The following GALNT9 variants were observed in gnomAD, a reference collection of about 807,000 sequenced individuals.
GALNT9 encodes the protein GalNAc transferase 9.
Under a neutral mutation model 63.1 loss-of-function variants are expected in GALNT9, and 47 were observed. That is an observed-to-expected ratio of 0.75 (90% CI 0.59 to 0.95). The LOEUF is 0.95. Among genes scored for constraint, GALNT9 ranks in the 40% least tolerant of loss-of-function variants. The pLI is 0.00. For missense variants in GALNT9, 829 were observed against 874.8 expected, an observed-to-expected ratio of 0.95 and a Z score of 0.66; for synonymous variants, 396 against 365.7, an observed-to-expected ratio of 1.08 and a Z score of -0.94.
At chr12:132,328,541 A>G (rs1566026762) in intron 1 of GALNT9, among the ~76,000 whole-genome samples, 1 of 151,996 alleles carries the variant, frequency 6.6e-6, no homozygotes, top group East Asian at 1.9e-4. Context: ...TGGCGTCCCC[A>G]CCCTCCTCTT....
chr12:132,230,039 A>G (rs1034442139), intron 6 of GALNT9, among the ~76,000 whole-genome samples: 8,312 of 152,264 alleles, frequency 0.055, 265 homozygotes, highest in Middle Eastern at 0.11. Context: ...GAACCTGGGC[A>G]GGCGTGTGGC....
At chr12:132,269,190 C>T (rs868921534) in intron 2 of GALNT9, among the ~76,000 whole-genome samples, 15 of 151,234 alleles carry the variant, frequency 9.9e-5, no homozygotes, top group Admixed American at 1.3e-4. Context: ...AGCGCTGAGG[C>T]AGGGGGAGGC....
chr12:132,318,648 C>T (rs1012254532), intron 1 of GALNT9, among the ~76,000 whole-genome samples: 3 of 152,250 alleles, frequency 2.0e-5, no homozygotes, highest in Non-Finnish European at 2.9e-5. Context: ...ATGTGCACCC[C>T]GACTGACCTC....
intron 1 of GALNT9, among the ~76,000 whole-genome samples, chr12:132,303,447 G>T: frequency 9.8e-6 from 1 of 101,660 alleles, no homozygotes; most frequent in Non-Finnish European, 1.9e-5. Flanking sequence ...ACCCTCGCCC[G>T]GGCACACCCT....
At chr12:132,253,479 A>T (rs1362449348) in intron 5 of GALNT9, among the ~76,000 whole-genome samples, 1 of 150,900 alleles carries the variant, frequency 6.6e-6, no homozygotes, top group Non-Finnish European at 1.5e-5. Context: ...ACTTCTCACA[A>T]TGTTCCTTCA....
chr12:132,272,055 G>C (rs28439527), intron 2 of GALNT9, among the ~76,000 whole-genome samples: 6,931 of 152,182 alleles, frequency 0.046, 317 homozygotes, highest in African/African-American at 0.12. Context: ...AGACAGGAGA[G>C]AGGAGAATGC....
At chr12:132,270,298 G>A (rs1000844875) in intron 2 of GALNT9, among the ~76,000 whole-genome samples, 30 of 152,136 alleles carry the variant, frequency 2.0e-4, no homozygotes, top group African/African-American at 5.8e-4. Flanking sequence ...AAATAGCCCC[G>A]TGTCTCCCTG....
intron 6 of GALNT9, among the ~76,000 whole-genome samples, chr12:132,244,284 C>T (rs141563378): frequency 0.14 from 688 of 5,054 alleles, 43 homozygotes; most frequent in South Asian, 0.36. Context: ...TGGGGCTGGA[C>T]GGGGGGGCGT....
chr12:132,281,908 G>C (rs1485056138), intron 2 of GALNT9, among the ~76,000 whole-genome samples: 4 of 148,142 alleles, frequency 2.7e-5, no homozygotes, highest in African/African-American at 1.0e-4. Context: ...CAGGCCTGGG[G>C]GTCCCCGATC....
intron 6 of GALNT9, among the ~76,000 whole-genome samples, chr12:132,243,529 G>C (rs1211406177): frequency 6.6e-6 from 1 of 150,684 alleles, no homozygotes; most frequent in Non-Finnish European, 1.5e-5. Flanking sequence ...GGCAGCTCTG[G>C]TGTTGTTGGT....
intron 2 of GALNT9, among the ~76,000 whole-genome samples, chr12:132,269,765 G>A (rs1033525811): frequency 2.6e-5 from 4 of 152,248 alleles, no homozygotes; most frequent in African/African-American, 4.8e-5. Context: ...GGGGTGGCAC[G>A]TGGCGCCTGC....
chr12:132,237,810 G>A (rs1878059931), intron 6 of GALNT9, among the ~76,000 whole-genome samples: 1 of 152,248 alleles, frequency 6.6e-6, no homozygotes, highest in Non-Finnish European at 1.5e-5. Context: ...GACAGCGCTT[G>A]ACCCGAGCGG....
intron 1 of GALNT9, among the ~76,000 whole-genome samples, chr12:132,293,515 C>G (rs4073400): frequency 0.19 from 29,094 of 152,238 alleles, 3,184 homozygotes; most frequent in African/African-American, 0.32. Context: ...CGAGGCGTAT[C>G]TCAGACACTT....
chr12:132,248,019 G>T lies in GALNT9; in HGVS notation c.968C>A (p.Ala323Asp). 1 of 1,550,526 alleles carries T rather than the reference G, an allele frequency of 6.4e-7. No individual in the cohort carries two copies. The highest frequency in any genetic ancestry group is 8.7e-7 in the Non-Finnish European group (1 of 1,146,388). ...CACTACGAAGGAGCAGCCGATCATG[G>T]CTGGGGTCCTGGGAGGCAGAGACAG... ...GDESAPIRTPAMIGCSFVVDR... is the reference protein window; with the variant it reads ...GDESAPIRTPDMIGCSFVVDR... Residue 323 changes from alanine (A) to aspartate (D), a missense_variant, in exon 6 of 11, where the codon GCC (alanine) becomes GAC (aspartate). Ala to Asp is a moderately radical substitution (Grantham distance 126). Transcript: ENST00000328957.
intron 1 of GALNT9, among the ~76,000 whole-genome samples, chr12:132,304,755 G>A (rs574751146): frequency 2.8e-3 from 41 of 14,714 alleles, no homozygotes; most frequent in African/African-American, 3.8e-3. Context: ...ACACAGCCTC[G>A]CCCGGGCACA....
At chr12:132,226,982 GTACATACACACCCATCCCCCCCACACACA>G (rs1804553592) in intron 6 of GALNT9, among the ~76,000 whole-genome samples, 1 of 138,298 alleles carries the variant, frequency 7.2e-6, no homozygotes, top group East Asian at 2.2e-4. Flanking sequence ...ACCCCACACT[GTACATACACACCCATCCCCCCCACACACA>G]TACATACACC....
In GALNT9 at chr12:132,252,871, G is replaced by A. The variant is rs184929907; in HGVS notation, c.959+4818C>T. Among the ~76,000 whole-genome samples, 10 of 150,580 alleles carry A rather than the reference G, an allele frequency of 6.6e-5. No individual in the cohort carries two copies. In the East Asian group the frequency reaches 1.6e-3, roughly 24 times the overall value. On this transcript the variant is annotated intron_variant, in intron 5 of 10. Coordinates refer to ENST00000328957, the MANE Select transcript of GALNT9 (RefSeq NM_001122636.2). This position sits in a 1 kb window ranked among gnomAD's most constrained non-coding sequence, Gnocchi z 5.2. ...GCACTCCAGCCTGGGCAACAACAGCGAAACTGCCTCAAAAAAAAAAAAAGA... is the reference window on the plus strand; with the variant it reads ...GCACTCCAGCCTGGGCAACAACAGCAAAACTGCCTCAAAAAAAAAAAAAGA...
At chr12:132,209,664 G>C (rs938479939) in intron 6 of GALNT9, among the ~76,000 whole-genome samples, 1 of 152,132 alleles carries the variant, frequency 6.6e-6, no homozygotes, top group Non-Finnish European at 1.5e-5. Context: ...TAATGCATTA[G>C]CTGCTAAAAG....
chr12:132,308,610 G>A (rs370777053), intron 1 of GALNT9, among the ~76,000 whole-genome samples: 38 of 152,284 alleles, frequency 2.5e-4, no homozygotes, highest in Non-Finnish European at 4.9e-4. Context: ...ACCCTCGACC[G>A]CCAGGGCTTT....
Sources: gnomAD v4.1 joint callset for allele counts (sites outside exome capture counted in the v4.1 genomes callset) on GRCh38, gnomAD v4.1.1 for gene constraint, Gnocchi (gnomAD v3.1) non-coding constraint, MANE v1.5 for transcripts, NCBI Gene and HGNC (gene_info 2026-07-23, HGNC 2026-07-21) for gene names.